Variants in TMEM117 observed in about 807,000 individuals in gnomAD.
TMEM117 encodes the protein transmembrane protein 117.
In TMEM117, 27 loss-of-function variants were observed where a neutral mutation model predicts 52.4. The observed-to-expected ratio is 0.51, with a 90% CI of 0.38 to 0.71. The LOEUF (loss-of-function observed/expected upper bound fraction) is 0.71, where lower values mean the gene tolerates loss of function less well. Ranked by LOEUF, TMEM117 falls within the 30% of genes least tolerant of loss-of-function variation. The probability of loss-of-function intolerance (pLI) is 0.00; values close to 1 mark genes in which losing one functional copy is unlikely to be tolerated. For synonymous variants in TMEM117, 215 were observed against 206.3 expected (o/e 1.04, Z -0.36); for missense variants, 556 against 630.5 (o/e 0.88, Z 1.26).
intron 3 of TMEM117, among the ~76,000 whole-genome samples, chr12:43,951,773 A>G (rs1311534292): frequency 1.3e-5 from 2 of 152,178 alleles, no homozygotes; most frequent in East Asian, 1.9e-4. Context: ...CCCTGAGCAC[A>G]GCACACCAGC....
chr12:43,927,451 T>G (rs549001145), intron 2 of TMEM117, among the ~76,000 whole-genome samples: 12 of 145,328 alleles, frequency 8.3e-5, no homozygotes, highest in Admixed American at 7.5e-4. Context: ...TTGTTTTTGG[T>G]TTTTTTTTTG....
intron 3 of TMEM117, among the ~76,000 whole-genome samples, chr12:43,970,269 C>G (rs977230178): frequency 6.8e-6 from 1 of 146,824 alleles, no homozygotes; most frequent in African/African-American, 2.5e-5. Context: ...TATAATTGCT[C>G]TCCTTTATTT....
intron 6 of TMEM117, among the ~76,000 whole-genome samples, chr12:44,337,439 C>G (rs1951356295): frequency 6.6e-6 from 1 of 151,960 alleles, no homozygotes; most frequent in Non-Finnish European, 1.5e-5. Flanking sequence ...ATTTGGGAGA[C>G]ACATTCAGGT....
At chr12:43,819,472 G>A in the TMEM117 span, among the ~76,000 whole-genome samples, 3 of 152,024 alleles carry the variant, frequency 2.0e-5, no homozygotes, top group Non-Finnish European at 4.4e-5. Flanking sequence ...CCCATGACTG[G>A]GTGGTTAAAT....
intron 7 of TMEM117, among the ~76,000 whole-genome samples, chr12:44,379,217 A>C (rs1477612882): frequency 6.6e-6 from 1 of 151,896 alleles, no homozygotes; most frequent in Middle Eastern, 3.2e-3. Flanking sequence ...GAAGTTTGGC[A>C]TGATGGCACA....
At chr12:43,849,186 A>G (rs987698672) in intron 2 of TMEM117, among the ~76,000 whole-genome samples, 6 of 152,214 alleles carry the variant, frequency 3.9e-5, no homozygotes, top group Admixed American at 2.0e-4. Flanking sequence ...ATAAGGGTGG[A>G]TAGCGAATGG....
At chr12:44,264,969 T>C (rs748277057) in intron 5 of TMEM117, among the ~76,000 whole-genome samples, 1 of 152,196 alleles carries the variant, frequency 6.6e-6, no homozygotes, top group Non-Finnish European at 1.5e-5. Flanking sequence ...ATTAGAAACC[T>C]AGCAGTATAA....
At chr12:44,094,879 C>CT (rs1424382546) in intron 3 of TMEM117, among the ~76,000 whole-genome samples, 3 of 152,068 alleles carry the variant, frequency 2.0e-5, no homozygotes, top group African/African-American at 7.2e-5. Flanking sequence ...TTGTTAGACA[C>CT]TTTTTCTAAT....
At chr12:43,924,047 T>C (rs562158099) in intron 2 of TMEM117, among the ~76,000 whole-genome samples, 2 of 152,314 alleles carry the variant, frequency 1.3e-5, no homozygotes, top group East Asian at 3.9e-4. Flanking sequence ...GCCTGTTAAA[T>C]AGGAACCAAA....
intron 6 of TMEM117, among the ~76,000 whole-genome samples, chr12:44,329,635 A>T (rs1592697405): frequency 6.6e-6 from 1 of 151,764 alleles, no homozygotes; most frequent in Non-Finnish European, 1.5e-5. Context: ...TGACTCTGAA[A>T]CTCTGTGTCC....
intron 3 of TMEM117, among the ~76,000 whole-genome samples, chr12:44,094,755 T>C (rs533017562): frequency 6.6e-6 from 1 of 152,192 alleles, no homozygotes; most frequent in Non-Finnish European, 1.5e-5. Flanking sequence ...AATTAATGAA[T>C]AGTGCAAATT....
chr12:43,829,180 C>T, the TMEM117 span, among the ~76,000 whole-genome samples: 1 of 152,182 alleles, frequency 6.6e-6, no homozygotes, highest in African/African-American at 2.4e-5. Flanking sequence ...TCAATGTTTG[C>T]TTCAAACTTC....
intron 3 of TMEM117, among the ~76,000 whole-genome samples, chr12:43,969,214 A>G (rs543881037): frequency 3.3e-5 from 5 of 151,926 alleles, no homozygotes; most frequent in South Asian, 2.1e-4. Flanking sequence ...AGATTTATCA[A>G]CCCTTTAAAA....
intron 6 of TMEM117, among the ~76,000 whole-genome samples, chr12:44,317,787 A>G (rs943448681): frequency 3.9e-5 from 6 of 152,068 alleles, no homozygotes; most frequent in Admixed American, 3.3e-4. Context: ...ATATATTTCA[A>G]CCTTGTTTAC....
chr12:44,100,224 G>A (rs540915170), intron 3 of TMEM117, among the ~76,000 whole-genome samples: 7 of 152,110 alleles, frequency 4.6e-5, no homozygotes, highest in Admixed American at 4.6e-4. Context: ...AAACGTGCCA[G>A]ATGGGAATCA....
intron 3 of TMEM117, among the ~76,000 whole-genome samples, chr12:44,131,790 A>T (rs1948417570): frequency 6.6e-6 from 1 of 152,076 alleles, no homozygotes; most frequent in South Asian, 2.1e-4. Context: ...TGTTATTTGC[A>T]TGTTATCTTT....
chr12:44,132,159 C>A (rs1012313698), intron 3 of TMEM117, among the ~76,000 whole-genome samples: 5 of 149,602 alleles, frequency 3.3e-5, no homozygotes, highest in Non-Finnish European at 7.4e-5. Flanking sequence ...TGTTAATAAG[C>A]CTTTTTTAAG....
chr12:44,126,117 AG>A (rs1394979641), intron 3 of TMEM117, among the ~76,000 whole-genome samples: 1 of 151,856 alleles, frequency 6.6e-6, no homozygotes, highest in Non-Finnish European at 1.5e-5. Flanking sequence ...GCATTTGCTG[AG>A]GAATGTTTTA....
chr12:44,259,280 A>G (rs1290954202), intron 5 of TMEM117, among the ~76,000 whole-genome samples: 1 of 152,174 alleles, frequency 6.6e-6, no homozygotes, highest in Non-Finnish European at 1.5e-5. Flanking sequence ...ATTATCTCAC[A>G]TAGTCTTCAC....
Sources: gnomAD v4.1 joint callset for allele counts (sites outside exome capture counted in the v4.1 genomes callset) on GRCh38, gnomAD v4.1.1 for gene constraint, MANE v1.5 for transcripts, NCBI Gene and HGNC (gene_info 2026-07-23, HGNC 2026-07-21) for gene names.